The following ARHGAP28 variants were observed in gnomAD, a reference collection of about 807,000 sequenced individuals.
ARHGAP28 encodes rho GTPase-activating protein 28.
In ARHGAP28, 56 loss-of-function variants were observed where a neutral mutation model predicts 90.7. That is an observed-to-expected ratio of 0.62 (90% CI 0.50 to 0.77). The LOEUF (loss-of-function observed/expected upper bound fraction) is 0.77, where lower values mean the gene tolerates loss of function less well. ARHGAP28 is among the 30% of genes least tolerant of loss of function. The pLI, the probability that ARHGAP28 is intolerant of heterozygous loss-of-function variation, is 0.00. For missense variants in ARHGAP28, 869 were observed against 900.9 expected, an observed-to-expected ratio of 0.96 and a Z score of 0.45; for synonymous variants, 308 against 323.3, an observed-to-expected ratio of 0.95 and a Z score of 0.51.
At chr18:6,786,549 G>GC (rs1281079442) in intron 1 of ARHGAP28, among the ~76,000 whole-genome samples, 2 of 151,910 alleles carry the variant, frequency 1.3e-5, no homozygotes, top group Non-Finnish European at 2.9e-5. Context: ...CCAACCACAC[G>GC]CCCCCCAGCA....
chr18:6,852,510 A>T lies in ARHGAP28; in HGVS notation c.636+1384A>T, dbSNP rs182183941. Among the ~76,000 whole-genome samples, 29 of 152,334 alleles carry T rather than the reference A, an allele frequency of 1.9e-4. No homozygotes were observed. In the East Asian group the frequency reaches 5.2e-3, roughly 27 times the overall value. On this transcript the variant is annotated intron_variant, in intron 4 of 17. Coordinates refer to ENST00000383472, the MANE Select transcript of ARHGAP28 (RefSeq NM_001366230.1). The stretch of plus-strand genomic sequence containing the variant: ...ATTATCAGTTATATCTGTTTGCTTC[A>T]TATAAAAGAAAATCTAAGGAACTTA...
intron 2 of ARHGAP28, among the ~76,000 whole-genome samples, chr18:6,826,117 G>GTTTTTTTTTTTTTT (rs35995654): frequency 2.9e-5 from 4 of 138,506 alleles, no homozygotes; most frequent in Non-Finnish European, 3.1e-5. Context: ...CATTGCCAGT[G>GTTTTTTTTTTTTTT]TTTTTTTTTT....
chr18:6,779,067 G>A (rs1464440653), intron 1 of ARHGAP28: 1 of 152,224 alleles, frequency 6.6e-6, no homozygotes, highest in Non-Finnish European at 1.5e-5. Flanking sequence ...CTCCAGACCA[G>A]GTCACAAGAA....
intron 7 of ARHGAP28, among the ~76,000 whole-genome samples, chr18:6,872,506 G>A (rs1209051242): frequency 6.6e-6 from 1 of 152,142 alleles, no homozygotes; most frequent in African/African-American, 2.4e-5. Context: ...AACTCCTATG[G>A]AAAATGTGAA....
At chr18:6,838,922 C>T (rs1018722212) in intron 3 of ARHGAP28, among the ~76,000 whole-genome samples, 12 of 152,170 alleles carry the variant, frequency 7.9e-5, no homozygotes, top group Non-Finnish European at 1.5e-4. Flanking sequence ...AAAAGGTTGC[C>T]TTGCTGGTTT....
chr18:6,773,493 C>T (rs1238010215), intron 1 of ARHGAP28, among the ~76,000 whole-genome samples: 1 of 152,046 alleles, frequency 6.6e-6, no homozygotes, highest in African/African-American at 2.4e-5. Context: ...TTGCAAAGTG[C>T]GTATTATCAA....
intron 5 of ARHGAP28, among the ~76,000 whole-genome samples, chr18:6,865,204 G>A (rs1283898752): frequency 1.3e-5 from 2 of 151,964 alleles, no homozygotes; most frequent in African/African-American, 4.8e-5. Context: ...TAAAACTTTG[G>A]CTATTCTCAT....
At chr18:6,857,146 C>T (rs1314691713) in intron 4 of ARHGAP28, among the ~76,000 whole-genome samples, 1 of 152,134 alleles carries the variant, frequency 6.6e-6, no homozygotes, top group Non-Finnish European at 1.5e-5. Context: ...CAAACACAGC[C>T]ACATCTCCCC....
intron 1 of ARHGAP28, among the ~76,000 whole-genome samples, chr18:6,732,129 T>G (rs2055887871): frequency 6.6e-6 from 1 of 151,988 alleles, no homozygotes; most frequent in African/African-American, 2.4e-5. Context: ...CTTTTCCCAG[T>G]AAAATAGAAT....
At chr18:6,868,377 C>T (rs1164895925) in intron 6 of ARHGAP28, 143 bp downstream of exon 6, 1 of 668,340 alleles carries the variant, frequency 1.5e-6, no homozygotes, top group East Asian at 2.8e-5. Flanking sequence ...CCATCGCTCA[C>T]TCCTTCCACC....
At chr18:6,783,717 C>T (rs1452547897) in intron 1 of ARHGAP28, among the ~76,000 whole-genome samples, 4 of 152,308 alleles carry the variant, frequency 2.6e-5, no homozygotes, top group South Asian at 2.1e-4. Context: ...GCCCCCCTTG[C>T]CCTCTAGTTC....
intron 1 of ARHGAP28, among the ~76,000 whole-genome samples, chr18:6,787,887 A>G (rs997943037): frequency 4.6e-5 from 7 of 152,220 alleles, no homozygotes; most frequent in Non-Finnish European, 1.0e-4. Flanking sequence ...TTGGATTGAC[A>G]GTAGGATTAC....
At chr18:6,822,173 A>AT (rs2056631341) in intron 1 of ARHGAP28, among the ~76,000 whole-genome samples, 1 of 152,226 alleles carries the variant, frequency 6.6e-6, no homozygotes, top group South Asian at 2.1e-4. Context: ...TATTAGACGT[A>AT]AACACTTATA....
At chr18:6,892,396 C>T (rs1236611427) in intron 14 of ARHGAP28, among the ~76,000 whole-genome samples, 1 of 151,876 alleles carries the variant, frequency 6.6e-6, no homozygotes, top group Non-Finnish European at 1.5e-5. Flanking sequence ...AGGTGATCCG[C>T]CCGCCTCTGC....
At chr18:6,748,709 A>T (rs2056044992) in intron 1 of ARHGAP28, among the ~76,000 whole-genome samples, 1 of 152,236 alleles carries the variant, frequency 6.6e-6, no homozygotes, top group African/African-American at 2.4e-5. Flanking sequence ...TCATTTCTCA[A>T]GGAAGACAGA....
chr18:6,740,938 A>G (rs1020615470), intron 1 of ARHGAP28, among the ~76,000 whole-genome samples: 27 of 152,200 alleles, frequency 1.8e-4, no homozygotes, highest in Non-Finnish European at 3.2e-4. Flanking sequence ...AATGTGGGCT[A>G]CTGGGTTCGG....
At chr18:6,745,730 T>A (rs2056017788) in intron 1 of ARHGAP28, among the ~76,000 whole-genome samples, 1 of 152,246 alleles carries the variant, frequency 6.6e-6, no homozygotes, top group Non-Finnish European at 1.5e-5. Context: ...GATTTGTGTC[T>A]GGCTCCTTCG....
At chr18:6,756,817 C>G (rs556232433) in intron 1 of ARHGAP28, among the ~76,000 whole-genome samples, 1 of 152,148 alleles carries the variant, frequency 6.6e-6, no homozygotes, top group Non-Finnish European at 1.5e-5. Context: ...TGGAATCTAA[C>G]GTTCAAGGGC....
chr18:6,803,929 C>A (rs1175472201), intron 1 of ARHGAP28, among the ~76,000 whole-genome samples: 1 of 152,018 alleles, frequency 6.6e-6, no homozygotes, highest in East Asian at 1.9e-4. Flanking sequence ...CAGGCGCCTC[C>A]CACCACGCCC....
Sources: allele counts gnomAD v4.1 joint callset (sites outside exome capture counted in the v4.1 genomes callset), GRCh38; gene constraint gnomAD v4.1.1; transcripts MANE v1.5; gene names NCBI Gene and HGNC (gene_info 2026-07-23, HGNC 2026-07-21).